COL4A2: variants seen among roughly 807,000 people sequenced by gnomAD.
The protein encoded by COL4A2 is collagen alpha-2(IV) chain.
A neutral mutation model predicts 200.2 loss-of-function variants in COL4A2; 99 were observed. The observed-to-expected ratio is 0.49, with a 90% CI of 0.42 to 0.58. COL4A2 has a LOEUF of 0.58. Ranked by LOEUF, COL4A2 falls within the 20% of genes least tolerant of loss-of-function variation. The pLI is 0.00. For missense variants in COL4A2, 1,950 were observed against 2,314.1 expected (o/e 0.84, Z 3.23); for synonymous variants, 897 against 900.6 (o/e 1.00, Z 0.07).
intron 4 of COL4A2, among the ~76,000 whole-genome samples, chr13:110,406,896 T>C (rs547220554): frequency 6.6e-6 from 1 of 152,222 alleles, no homozygotes; most frequent in Non-Finnish European, 1.5e-5. Context: ...TGAACCTTGC[T>C]GGCTGAAAGG....
rs112300185 is a variant in COL4A2, at chr13:110,442,426, C to T, written c.957+2593C>T. ...GCACCACAGCTATGTCCGCCCTCTGCCATCCCACTGGCCAGGTGGCCATCA... is the reference window on the plus strand; with the variant it reads ...GCACCACAGCTATGTCCGCCCTCTGTCATCCCACTGGCCAGGTGGCCATCA... On this transcript the variant is annotated intron_variant, in intron 16 of 47. Transcript: ENST00000360467. Among the ~76,000 whole-genome samples, 1,061 of 152,366 alleles carry T rather than the reference C, an allele frequency of 7.0e-3. 7 individuals carry two copies. Among genetic ancestry groups the T allele is most frequent in the African/African-American group, 0.022 (908 of 41,588 alleles).
intron 4 of COL4A2, among the ~76,000 whole-genome samples, chr13:110,383,736 C>T (rs923326768): frequency 6.6e-6 from 1 of 151,262 alleles, no homozygotes; most frequent in Admixed American, 6.6e-5. Flanking sequence ...GTGCCTCAGC[C>T]TCCTGAGTAG....
chr13:110,317,313 A>C (rs12430976), intron 3 of COL4A2, among the ~76,000 whole-genome samples: 28,317 of 151,538 alleles, frequency 0.19, 3,297 homozygotes, highest in East Asian at 0.52. Flanking sequence ...CATAGATGCA[A>C]ATACACAGAG....
chr13:110,423,807 C>G (rs1274916989), intron 4 of COL4A2, among the ~76,000 whole-genome samples: 1 of 152,148 alleles, frequency 6.6e-6, no homozygotes. Flanking sequence ...TATAAGGGGC[C>G]TCTATACAGG....
At chr13:110,509,270 T>TATATACACACACACACACACACAC (rs1435137108) in intron 47 of COL4A2, among the ~76,000 whole-genome samples, 7 of 115,576 alleles carry the variant, frequency 6.1e-5, no homozygotes, top group African/African-American at 2.4e-4. Context: ...TATATATATA[T>TATATACACACACACACACACACAC]ACACACACAC....
chr13:110,384,133 TC>T (rs1205080800), intron 4 of COL4A2, among the ~76,000 whole-genome samples: 1 of 152,200 alleles, frequency 6.6e-6, no homozygotes, highest in African/African-American at 2.4e-5. Flanking sequence ...TGTGGCTCAC[TC>T]TGTGTGAGAA....
intron 13 of COL4A2, 90 bp downstream of exon 13, chr13:110,436,457 G>A: frequency 6.8e-7 from 1 of 1,479,658 alleles, no homozygotes; most frequent in African/African-American, 1.4e-5. Flanking sequence ...CACATTCCAA[G>A]TAGAAAAAGC....
chr13:110,352,103 A>G (rs2139381969), intron 3 of COL4A2, among the ~76,000 whole-genome samples: 1 of 152,308 alleles, frequency 6.6e-6, no homozygotes, highest in South Asian at 2.1e-4. Flanking sequence ...GATCATGATG[A>G]TGATGATGAT....
At chr13:110,462,456 G>T (rs1459842585) in intron 24 of COL4A2, 72 bp downstream of exon 24, 2 of 1,509,392 alleles carry the variant, frequency 1.3e-6, no homozygotes, top group African/African-American at 2.7e-5. Flanking sequence ...CACCCCAGAA[G>T]CAAACAGTAT....
chr13:110,444,579 T>G (rs1431737205), intron 16 of COL4A2, among the ~76,000 whole-genome samples: 1 of 152,222 alleles, frequency 6.6e-6, no homozygotes, highest in Non-Finnish European at 1.5e-5. Flanking sequence ...CCCGTCTCAA[T>G]TCAGTCTAAA....
intron 3 of COL4A2, among the ~76,000 whole-genome samples, chr13:110,327,383 G>A (rs573390381): frequency 3.9e-5 from 6 of 152,212 alleles, no homozygotes; most frequent in East Asian, 3.9e-4. Context: ...TTCTCCTCGC[G>A]TCACAGACCA....
intron 38 of COL4A2, among the ~76,000 whole-genome samples, chr13:110,492,817 C>T (rs1883328453): frequency 6.6e-6 from 1 of 152,194 alleles, no homozygotes; most frequent in Non-Finnish European, 1.5e-5. Context: ...GACAGTGTTC[C>T]AGTTCAATGG....
At chr13:110,334,136 G>T (rs915786346) in intron 3 of COL4A2, among the ~76,000 whole-genome samples, 2 of 152,230 alleles carry the variant, frequency 1.3e-5, no homozygotes, top group Non-Finnish European at 2.9e-5. Flanking sequence ...ACACAGAGGC[G>T]TTTGATAAAA....
At chr13:110,316,237 T>A (rs1318940038) in intron 3 of COL4A2, among the ~76,000 whole-genome samples, 2 of 152,148 alleles carry the variant, frequency 1.3e-5, no homozygotes, top group Non-Finnish European at 2.9e-5. Context: ...TTCCACATGT[T>A]GAGTGTTTTT....
intron 6 of COL4A2, among the ~76,000 whole-genome samples, chr13:110,427,213 G>A (rs542777644): frequency 2.0e-5 from 3 of 152,274 alleles, no homozygotes; most frequent in African/African-American, 2.4e-5. Context: ...GCAGTGGTGC[G>A]ATCTTAGCTC....
At chr13:110,378,367 A>T (rs760333291) in intron 4 of COL4A2, among the ~76,000 whole-genome samples, 6 of 152,238 alleles carry the variant, frequency 3.9e-5, no homozygotes, top group Non-Finnish European at 8.8e-5. Context: ...AGAATTGTAG[A>T]TATAGGAAGG....
At chr13:110,340,526 G>A (rs958791363) in intron 3 of COL4A2, among the ~76,000 whole-genome samples, 3 of 152,182 alleles carry the variant, frequency 2.0e-5, no homozygotes, top group African/African-American at 7.2e-5. Flanking sequence ...AAGAGTGGAA[G>A]TGTAGAAAGA....
intron 4 of COL4A2, among the ~76,000 whole-genome samples, chr13:110,367,632 A>T (rs1877812340): frequency 6.6e-6 from 1 of 152,264 alleles, no homozygotes; most frequent in Non-Finnish European, 1.5e-5. Context: ...CATGCTTCGC[A>T]TCTGTCAGCA....
chr13:110,430,688 T>C, intron 10 of COL4A2, 81 bp downstream of exon 10: 1 of 1,564,642 alleles, frequency 6.4e-7, no homozygotes, highest in Non-Finnish European at 8.8e-7. Flanking sequence ...AATGGTTGAC[T>C]CCAGATGAGA....
Sources: gnomAD v4.1 joint callset for allele counts (sites outside exome capture counted in the v4.1 genomes callset) on GRCh38, gnomAD v4.1.1 for gene constraint, MANE v1.5 for transcripts, NCBI Gene and HGNC (gene_info 2026-07-23, HGNC 2026-07-21) for gene names.